Variants in NXPH1 observed in about 807,000 individuals in gnomAD.
NXPH1 encodes the protein neurexophilin 1.
In NXPH1, 5 loss-of-function variants were observed where a neutral mutation model predicts 23.7. That is an observed-to-expected ratio of 0.21 (90% confidence interval 0.11 to 0.44). The LOEUF (loss-of-function observed/expected upper bound fraction) is 0.44. NXPH1 is among the 20% of genes least tolerant of loss of function. The pLI is 0.99. For synonymous variants in NXPH1, 144 were observed against 122.2 expected (o/e 1.18, Z -1.18); for missense variants, 324 against 321.6 (o/e 1.01, Z -0.06).
At chr7:8,739,182 A>C (rs1449127115) in intron 2 of NXPH1, among the ~76,000 whole-genome samples, 2 of 111,022 alleles carry the variant, frequency 1.8e-5, no homozygotes, top group African/African-American at 5.7e-5. Context: ...AAAAAAAAAA[A>C]AAAAAAAAAA....
At chr7:8,731,761 A>AT (rs1167934475) in intron 2 of NXPH1, among the ~76,000 whole-genome samples, 12 of 152,358 alleles carry the variant, frequency 7.9e-5, no homozygotes, top group Non-Finnish European at 1.6e-4. Flanking sequence ...AGACAGGGAC[A>AT]TTTAATTCTG....
chr7:8,448,302 A>T (rs1051114365), intron 2 of NXPH1, among the ~76,000 whole-genome samples: 5 of 152,218 alleles, frequency 3.3e-5, no homozygotes, highest in Admixed American at 6.5e-5. Flanking sequence ...CAAAGAAAAA[A>T]GTCTTGCTAA....
chr7:8,604,825 G>A (rs1254310901), intron 2 of NXPH1, among the ~76,000 whole-genome samples: 2 of 152,186 alleles, frequency 1.3e-5, no homozygotes, highest in East Asian at 3.9e-4. Context: ...TGGTCAAAAT[G>A]CTGACTTTCT....
chr7:8,704,976 C>T (rs1203478505), intron 2 of NXPH1, among the ~76,000 whole-genome samples: 1 of 152,088 alleles, frequency 6.6e-6, no homozygotes, highest in Non-Finnish European at 1.5e-5. Flanking sequence ...GGTGACTATG[C>T]ACTTGGGAGA....
At chr7:8,630,150 T>C (rs191839586) in intron 2 of NXPH1, among the ~76,000 whole-genome samples, 1 of 152,250 alleles carries the variant, frequency 6.6e-6, no homozygotes, top group Non-Finnish European at 1.5e-5. Context: ...AATACTATGA[T>C]AATAGATGCC....
intron 2 of NXPH1, among the ~76,000 whole-genome samples, chr7:8,730,727 C>A (rs1341381598): frequency 1.3e-5 from 2 of 152,026 alleles, no homozygotes; most frequent in Non-Finnish European, 2.9e-5. Context: ...GTCTGATGGG[C>A]TTCCCTTTGA....
Position 8,598,483 on chromosome 7 carries a change from C to G in NXPH1, c.55-152525C>G, listed in dbSNP as rs183090790. 4.3e-4 allele frequency among the ~76,000 whole-genome samples: 66 copies of G among 152,252 alleles called. No individual in the cohort carries two copies. The East Asian group carries it at 0.012, about 28-fold the overall frequency. On this transcript the variant is annotated intron_variant, in intron 2 of 2. Transcript: ENST00000405863. ...AGCTGCTATCTTTGTCACGTTTCCCCTCTCTCCCGCAACTAGACTCTTCTG... is the reference window on the plus strand; with the variant it reads ...AGCTGCTATCTTTGTCACGTTTCCCGTCTCTCCCGCAACTAGACTCTTCTG...
At chr7:8,486,330 C>A (rs915616161) in intron 2 of NXPH1, among the ~76,000 whole-genome samples, 7 of 152,160 alleles carry the variant, frequency 4.6e-5, no homozygotes, top group Admixed American at 2.0e-4. Flanking sequence ...AGCTAGGAAG[C>A]AAGGCCTTGG....
chr7:8,644,625 G>C (rs1007983217), intron 2 of NXPH1, among the ~76,000 whole-genome samples: 1 of 152,034 alleles, frequency 6.6e-6, no homozygotes, highest in African/African-American at 2.4e-5. Flanking sequence ...TGCTCTGCCT[G>C]CTGTCTCAAG....
chr7:8,696,283 C>A (rs2115186638), intron 2 of NXPH1, among the ~76,000 whole-genome samples: 1 of 152,284 alleles, frequency 6.6e-6, no homozygotes, highest in East Asian at 1.9e-4. Context: ...TCCATTTATT[C>A]ATTCAACAGA....
chr7:8,720,112 C>T (rs1338881502), intron 2 of NXPH1, among the ~76,000 whole-genome samples: 2 of 152,150 alleles, frequency 1.3e-5, no homozygotes, highest in Admixed American at 6.6e-5. Context: ...TACACTTTAA[C>T]TTGAAGTTCA....
intron 2 of NXPH1, among the ~76,000 whole-genome samples, chr7:8,445,775 A>T (rs1343401160): frequency 6.6e-6 from 1 of 152,256 alleles, no homozygotes; most frequent in Non-Finnish European, 1.5e-5. Context: ...TTTTGTTTTC[A>T]TATAAGTTGT....
chr7:8,655,201 A>G (rs1342749080), intron 2 of NXPH1, among the ~76,000 whole-genome samples: 1 of 152,042 alleles, frequency 6.6e-6, no homozygotes, highest in Non-Finnish European at 1.5e-5. Context: ...CCTGGGCAAA[A>G]TTACAAAACC....
At chr7:8,506,822 T>C (rs568282246) in intron 2 of NXPH1, among the ~76,000 whole-genome samples, 5 of 152,006 alleles carry the variant, frequency 3.3e-5, no homozygotes, top group Non-Finnish European at 7.4e-5. Context: ...TCTGAACAAA[T>C]GCTAGGGTAG....
At chr7:8,677,905 C>A (rs912361939) in intron 2 of NXPH1, among the ~76,000 whole-genome samples, 1 of 151,650 alleles carries the variant, frequency 6.6e-6, no homozygotes, top group Non-Finnish European at 1.5e-5. Flanking sequence ...CAAATAGTTG[C>A]CCAAAGAATT....
intron 2 of NXPH1, among the ~76,000 whole-genome samples, chr7:8,546,400 A>G (rs532385631): frequency 6.6e-6 from 1 of 151,528 alleles, no homozygotes; most frequent in African/African-American, 2.4e-5. Context: ...TATGCCTGTG[A>G]GTATTCCAGC....
chr7:8,464,008 G>A (rs1039593456), intron 2 of NXPH1, among the ~76,000 whole-genome samples: 22 of 151,954 alleles, frequency 1.4e-4, no homozygotes, highest in Admixed American at 5.2e-4. Context: ...TCCCAGAGAC[G>A]TCTCTCCTCT....
chr7:8,521,879 G>T (rs1056286206), intron 2 of NXPH1, among the ~76,000 whole-genome samples: 2 of 152,110 alleles, frequency 1.3e-5, no homozygotes, highest in African/African-American at 4.8e-5. Context: ...AGGATATGGA[G>T]ATTTGGATAG....
At chr7:8,490,591 C>T (rs574598396) in intron 2 of NXPH1, among the ~76,000 whole-genome samples, 70 of 152,022 alleles carry the variant, frequency 4.6e-4, no homozygotes, top group African/African-American at 1.6e-3. Flanking sequence ...AACTGGGGAG[C>T]GCTTTGCTTC....
Sources: allele counts gnomAD v4.1 joint callset (sites outside exome capture counted in the v4.1 genomes callset), GRCh38; gene constraint gnomAD v4.1.1; transcripts MANE v1.5; gene names NCBI Gene and HGNC (gene_info 2026-07-23, HGNC 2026-07-21).